The following GRIK2 variants were observed in gnomAD, a reference collection of about 807,000 sequenced individuals.
The protein encoded by GRIK2 is glutamate receptor ionotropic, kainate 2.
GRIK2 carries 32 observed loss-of-function variants against 100.3 expected under a neutral mutation model. That is an observed-to-expected ratio of 0.32 (90% CI 0.24 to 0.43). The LOEUF is 0.43. Among genes scored for constraint, GRIK2 ranks in the 20% least tolerant of loss-of-function variants. The probability of loss-of-function intolerance (pLI) is 1.00; values close to 1 mark genes in which losing one functional copy is unlikely to be tolerated. For synonymous variants in GRIK2, 417 were observed against 389.4 expected (o/e 1.07, Z -0.83); for missense variants, 843 against 1,114.9 (o/e 0.76, Z 3.47).
At chr6:101,898,831 AAAT>A (rs2128460774) in intron 12 of GRIK2, among the ~76,000 whole-genome samples, 1 of 152,102 alleles carries the variant, frequency 6.6e-6, no homozygotes, top group African/African-American at 2.4e-5. Flanking sequence ...TATCAATGTT[AAAT>A]AATAATGTAC....
chr6:101,936,123 G>A (rs1790600994), intron 14 of GRIK2, among the ~76,000 whole-genome samples: 1 of 151,698 alleles, frequency 6.6e-6, no homozygotes, highest in Admixed American at 6.6e-5. Flanking sequence ...TGATGTGGTT[G>A]ATCACCAATG....
chr6:101,963,509 C>CTTTTTTTTTTTTTTTTTT (rs770178884), intron 14 of GRIK2, among the ~76,000 whole-genome samples: 78 of 106,106 alleles, frequency 7.4e-4, no homozygotes, highest in Non-Finnish European at 7.9e-4. Flanking sequence ...TTCTTTCTTT[C>CTTTTTTTTTTTTTTTTTT]TTTTTTTTTT....
chr6:102,004,268 T>C (rs943014883), intron 14 of GRIK2, among the ~76,000 whole-genome samples: 2 of 151,090 alleles, frequency 1.3e-5, no homozygotes, highest in South Asian at 4.2e-4. Flanking sequence ...TATATATCCA[T>C]TTTTTTTCCT....
intron 2 of GRIK2, chr6:101,620,278 C>T: frequency 3.3e-6 from 2 of 606,550 alleles, no homozygotes; most frequent in Non-Finnish European, 4.1e-6. Flanking sequence ...GTTCTTTACA[C>T]CCATTAGACA....
chr6:101,973,833 A>C (rs1405879856), intron 14 of GRIK2, among the ~76,000 whole-genome samples: 1 of 151,966 alleles, frequency 6.6e-6, no homozygotes, highest in East Asian at 1.9e-4. Flanking sequence ...GAAATGATGC[A>C]TTGTATAGCA....
intron 15 of GRIK2, among the ~76,000 whole-genome samples, chr6:102,046,249 C>G (rs1770881043): frequency 6.6e-6 from 1 of 152,046 alleles, no homozygotes; most frequent in Non-Finnish European, 1.5e-5. Context: ...CAATACCCCA[C>G]TTTTATTAAT....
chr6:101,776,117 G>A (rs947030447), intron 7 of GRIK2, among the ~76,000 whole-genome samples: 7 of 152,182 alleles, frequency 4.6e-5, no homozygotes, highest in South Asian at 2.1e-4. Flanking sequence ...TTTCTTCTTC[G>A]AAGAATGAGG....
intron 9 of GRIK2, among the ~76,000 whole-genome samples, 199 bp downstream of exon 9, chr6:101,802,637 A>C (rs574802695): frequency 6.6e-6 from 1 of 151,946 alleles, no homozygotes; most frequent in South Asian, 2.1e-4. Flanking sequence ...ACAATTTTAT[A>C]TTTTATTTTC....
chr6:102,049,928 T>A (rs1045586400), intron 15 of GRIK2, among the ~76,000 whole-genome samples: 5 of 152,146 alleles, frequency 3.3e-5, no homozygotes, highest in Non-Finnish European at 7.4e-5. Context: ...TATAGGATAA[T>A]GTGATTTCAG....
intron 2 of GRIK2, among the ~76,000 whole-genome samples, chr6:101,581,183 C>T (rs549781954): frequency 2.9e-4 from 42 of 142,636 alleles, no homozygotes; most frequent in Middle Eastern, 3.6e-3. Flanking sequence ...TATATATATA[C>T]ACACACACAC....
At chr6:101,717,737 G>C (rs999911242) in intron 7 of GRIK2, among the ~76,000 whole-genome samples, 1 of 151,686 alleles carries the variant, frequency 6.6e-6, no homozygotes. Flanking sequence ...GAAGTAAAAG[G>C]TGTCAATTTA....
chr6:102,032,415 A>T (rs945056165), intron 14 of GRIK2, among the ~76,000 whole-genome samples: 22 of 151,278 alleles, frequency 1.5e-4, no homozygotes, highest in African/African-American at 5.3e-4. Flanking sequence ...TATCTGAATC[A>T]TATAAGGGAC....
chr6:101,726,398 G>C (rs909958666), intron 7 of GRIK2, among the ~76,000 whole-genome samples: 3 of 151,964 alleles, frequency 2.0e-5, no homozygotes, highest in African/African-American at 7.2e-5. Context: ...CGCTTAAAGA[G>C]AACTTAATAT....
chr6:101,731,486 A>G (rs1384789902), intron 7 of GRIK2, among the ~76,000 whole-genome samples: 1 of 152,042 alleles, frequency 6.6e-6, no homozygotes, highest in Non-Finnish European at 1.5e-5. Context: ...GAATCAAATG[A>G]CAAAAACATT....
intron 12 of GRIK2, among the ~76,000 whole-genome samples, chr6:101,895,058 A>G (rs1334183928): frequency 2.6e-5 from 4 of 151,796 alleles, no homozygotes; most frequent in Non-Finnish European, 5.9e-5. Flanking sequence ...AAATTTTGCA[A>G]TATGAGTACT....
At chr6:102,048,610 G>T (rs777196732) in intron 15 of GRIK2, among the ~76,000 whole-genome samples, 2 of 152,060 alleles carry the variant, frequency 1.3e-5, no homozygotes, top group Non-Finnish European at 2.9e-5. Context: ...ATTCACCATT[G>T]TTAATCATTG....
intron 2 of GRIK2, among the ~76,000 whole-genome samples, chr6:101,556,192 T>A (rs1049746238): frequency 1.3e-5 from 2 of 151,810 alleles, no homozygotes; most frequent in Non-Finnish European, 2.9e-5. Context: ...TTCTATAAAA[T>A]TTTAAAATAA....
In GRIK2 at chr6:101,799,718, C is replaced by T; in HGVS notation, c.1022C>T (p.Thr341Ile). ...GCCGTTCAACAGTTTCCCCAGATGA[C>T]AGTCAGTTCCTTGCAGTGTAATCGA... ...SVAVQQFPQM[T>I]VSSLQCNRHK... is the part of the protein sequence containing the mutation. Residue 341 changes from threonine to isoleucine, a missense_variant, in exon 8 of 17, where the codon ACA becomes ATA. This residue lies in a region of GRIK2 where 519 missense variants were observed against 643.8 expected (regional missense o/e 0.81). Coordinates refer to ENST00000369134, the MANE Select transcript of GRIK2 (RefSeq NM_021956.5). The T allele has an allele frequency of 2.5e-6, 4 of 1,612,654 alleles. No individual in the cohort carries two copies. The highest frequency in any genetic ancestry group is 3.4e-6 in the Non-Finnish European group (4 of 1,178,802).
intron 2 of GRIK2, among the ~76,000 whole-genome samples, chr6:101,445,988 C>G (rs772370405): frequency 2.0e-5 from 3 of 151,968 alleles, no homozygotes; most frequent in Non-Finnish European, 2.9e-5. Flanking sequence ...TGCTTTACCA[C>G]CTCTGTGTCT....
Sources: allele counts gnomAD v4.1 joint callset (sites outside exome capture counted in the v4.1 genomes callset), GRCh38; gene constraint gnomAD v4.1.1; regional missense constraint gnomAD v4.1.1; transcripts MANE v1.5; gene names NCBI Gene and HGNC (gene_info 2026-07-23, HGNC 2026-07-21).